Variants in PCDHA11 observed in about 807,000 individuals in gnomAD.
The protein encoded by PCDHA11 is protocadherin alpha 11.
A neutral mutation model predicts 70.3 loss-of-function variants in PCDHA11; 61 were observed. The ratio of observed to expected loss-of-function variants is 0.87; its 90% CI spans 0.71 to 1.07. The LOEUF (loss-of-function observed/expected upper bound fraction) is 1.07, where lower values mean the gene tolerates loss of function less well. Ranked by LOEUF, PCDHA11 falls within the 50% of genes least tolerant of loss-of-function variation. The pLI is 0.00. For synonymous variants in PCDHA11, 633 were observed against 555.1 expected (o/e 1.14, Z -1.97); for missense variants, 1,324 against 1,237.5 (o/e 1.07, Z -1.05).
chr5:140,885,391 T>G, intron 1 of PCDHA11, among the ~76,000 whole-genome samples: 1 of 152,112 alleles, frequency 6.6e-6, no homozygotes, highest in East Asian at 1.9e-4. Context: ...TCCCTGCAAA[T>G]CTAATGGTTT....
In PCDHA11 at chr5:140,869,211, G is replaced by C. The variant is rs375218342; in HGVS notation, c.108G>C (p.Ser36=). 1.6e-5 allele frequency: 26 copies of C among 1,613,838 alleles called. No homozygotes were observed. Among genetic ancestry groups the C allele is most frequent in the African/African-American group, 1.5e-4 (11 of 74,940 alleles). ...GCGGCCAGCTCCACTACTCCGTCTC[G>C]GAGGAGGCCAAACACGGCACCTTCG... ...VGSGQLHYSV[S]EEAKHGTFVG... The change falls in exon 1 of 4, where the codon TCG becomes TCC. Residue 36 remains serine (S), a synonymous_variant. Transcript: ENST00000398640.
At chr5:140,877,845 TTATTAA>T in intron 1 of PCDHA11, 3 of 1,555,618 alleles carry the variant, frequency 1.9e-6, no homozygotes, top group Non-Finnish European at 2.6e-6. Context: ...GTGAAGTAAG[TTATTAA>T]TATTATTTAG....
At position 140,982,438 on chromosome 5, in the gene PCDHA11, T is replaced by C. The variant is rs782761318; in HGVS notation, c.2451-37T>C. On this transcript the variant is annotated intron_variant, in intron 2 of 3. Coordinates refer to ENST00000398640, the MANE Select transcript of PCDHA11 (RefSeq NM_018902.5). ...GGAAGAAGAGATGGGAAAGAATTTA[T>C]GATCTAACCGTTATCTGGGTCTGTG... is the stretch of plus-strand genomic sequence containing the variant. The C allele has an allele frequency of 3.1e-6, 5 of 1,611,448 alleles. No individual in the cohort carries two copies. The South Asian group carries it at 5.5e-5, about 18-fold the overall frequency.
chr5:141,006,441 C>T (rs2098274470), intron 3 of PCDHA11, among the ~76,000 whole-genome samples: 1 of 152,110 alleles, frequency 6.6e-6, no homozygotes, highest in Non-Finnish European at 1.5e-5. Flanking sequence ...TCTCAATCTC[C>T]TGACCTCGAG....
At chr5:140,990,084 C>T (rs31873) in intron 3 of PCDHA11, among the ~76,000 whole-genome samples, 3,615 of 152,028 alleles carry the variant, frequency 0.024, 147 homozygotes, top group African/African-American at 0.081. Flanking sequence ...ACAAAGGATG[C>T]TTGTGCTACT....
chr5:140,922,131 TTATCC>T (rs2080656521), intron 1 of PCDHA11, among the ~76,000 whole-genome samples: 1 of 152,176 alleles, frequency 6.6e-6, no homozygotes, highest in South Asian at 2.1e-4. Context: ...TAAATGTCTC[TTATCC>T]TCCATGAAAC....
intron 1 of PCDHA11, among the ~76,000 whole-genome samples, chr5:140,900,829 A>G (rs2068324648): frequency 6.6e-6 from 1 of 152,110 alleles, no homozygotes; most frequent in Non-Finnish European, 1.5e-5. Context: ...TCCCACCAAC[A>G]ATGTACAAAG....
chr5:141,000,361 GTCTCTCTCTC>G lies in PCDHA11; in HGVS notation c.2540-9240_2540-9231del, dbSNP rs148596731. Reference sequence around the variant, plus strand: ...CCTATCTCTCTCTCTGTCTCTCTCTGTCTCTCTCTCTCTCTCTCTCTCTCTCTCTCTCTCT... The same window carrying G: ...CCTATCTCTCTCTCTGTCTCTCTCTGTCTCTCTCTCTCTCTCTCTCTCTCT... On this transcript the variant is annotated intron_variant, in intron 3 of 3. Transcript: ENST00000398640. 0.019 allele frequency among the ~76,000 whole-genome samples: 511 copies of G among 26,396 alleles called. 13 individuals carry two copies. In the Middle Eastern group the frequency reaches 0.2, roughly 10 times the overall value. The allele number at this position is 26,396 out of a possible 152,430, so 17.3% of individuals were successfully genotyped here.
At chr5:140,974,779 C>T (rs950634910) in intron 1 of PCDHA11, among the ~76,000 whole-genome samples, 1 of 152,160 alleles carries the variant, frequency 6.6e-6, no homozygotes, top group African/African-American at 2.4e-5. Context: ...TGAGCCACTG[C>T]GCCCAGCCCT....
intron 2 of PCDHA11, 129 bp from the exon 3 acceptor site, chr5:140,982,346 G>A: frequency 1.3e-6 from 2 of 1,492,346 alleles, no homozygotes; most frequent in South Asian, 2.7e-5. Context: ...AATTGCTTCA[G>A]TTCAAGCATG....
At chr5:140,980,728 A>T (rs1268236317) in intron 2 of PCDHA11, among the ~76,000 whole-genome samples, 1 of 152,168 alleles carries the variant, frequency 6.6e-6, no homozygotes, top group African/African-American at 2.4e-5. Context: ...TTCAATTAAG[A>T]TATTATGAGA....
intron 1 of PCDHA11, among the ~76,000 whole-genome samples, chr5:140,976,501 A>G (rs568983330): frequency 6.6e-6 from 1 of 152,240 alleles, no homozygotes; most frequent in East Asian, 1.9e-4. Context: ...CAGGGAGCCA[A>G]GATCGCGCCA....
intron 1 of PCDHA11, chr5:140,927,894 C>A (rs372774238): frequency 1.2e-6 from 2 of 1,614,208 alleles, no homozygotes; most frequent in East Asian, 2.2e-5. Context: ...CTGACGTGAA[C>A]GATCATGCCC....
intron 1 of PCDHA11, among the ~76,000 whole-genome samples, chr5:140,937,574 G>C (rs1320452651): frequency 1.3e-5 from 2 of 151,732 alleles, no homozygotes; most frequent in African/African-American, 4.9e-5. Context: ...CTGGGATCGC[G>C]TCACTGCACT....
chr5:140,882,226 G>T, intron 1 of PCDHA11: 1 of 1,564,150 alleles, frequency 6.4e-7, no homozygotes, highest in Admixed American at 1.9e-5. Context: ...GAGGTAAGGC[G>T]TTGTATATAT....
chr5:140,883,632 T>C (rs782762437), intron 1 of PCDHA11: 1 of 1,613,936 alleles, frequency 6.2e-7, no homozygotes, highest in South Asian at 1.1e-5. Flanking sequence ...GCGCCGGCGT[T>C]CGCGCAGCCC....
At chr5:140,881,729 A>G (rs2058810929) in intron 1 of PCDHA11, among the ~76,000 whole-genome samples, 1 of 152,206 alleles carries the variant, frequency 6.6e-6, no homozygotes. Flanking sequence ...CTTGAAAAAT[A>G]TTACAGGAAG....
chr5:140,939,340 A>G (rs1337369012), intron 1 of PCDHA11, among the ~76,000 whole-genome samples: 1 of 152,178 alleles, frequency 6.6e-6, no homozygotes, highest in Non-Finnish European at 1.5e-5. Flanking sequence ...AGGGGTTAGC[A>G]TTTCAACTTA....
chr5:140,908,754 A>C (rs1403008536), intron 1 of PCDHA11, among the ~76,000 whole-genome samples: 1 of 152,184 alleles, frequency 6.6e-6, no homozygotes, highest in Non-Finnish European at 1.5e-5. Context: ...ACTTGCACAC[A>C]GCCTGGACGT....
Sources: gnomAD v4.1 joint callset for allele counts (sites outside exome capture counted in the v4.1 genomes callset) on GRCh38, gnomAD v4.1.1 for gene constraint, MANE v1.5 for transcripts, NCBI Gene and HGNC (gene_info 2026-07-23, HGNC 2026-07-21) for gene names.